ENTPD6: variants seen among roughly 807,000 people sequenced by gnomAD.
ENTPD6 encodes ectonucleoside triphosphate diphosphohydrolase 6.
Under a neutral mutation model 61.5 loss-of-function variants are expected in ENTPD6, and 46 were observed. That is an observed-to-expected ratio of 0.75 (90% confidence interval 0.59 to 0.96). The LOEUF is 0.96. ENTPD6 is among the 40% of genes least tolerant of loss of function. ENTPD6 has a pLI of 0.00. For synonymous variants in ENTPD6, 252 were observed against 255.5 expected (o/e 0.99, Z 0.13); for missense variants, 612 against 629.0 (o/e 0.97, Z 0.29).
chr20:25,221,402 T>C (rs758027164), intron 11 of ENTPD6, 69 bp downstream of exon 11: 3 of 1,175,870 alleles, frequency 2.6e-6, no homozygotes, highest in Non-Finnish European at 3.8e-6. Flanking sequence ...CCCTTGCCTT[T>C]CCCACATCCC....
At chr20:25,223,033 T>A in intron 12 of ENTPD6, 55 bp downstream of exon 12, 1 of 632,700 alleles carries the variant, frequency 1.6e-6, no homozygotes, top group Non-Finnish European at 2.6e-6. Flanking sequence ...GGGGCGGGGG[T>A]GGAGGGCGTG....
chr20:25,207,442 G>A, intron 3 of ENTPD6, 45 bp downstream of exon 3: 1 of 1,488,440 alleles, frequency 6.7e-7, no homozygotes, highest in South Asian at 1.3e-5. Flanking sequence ...CCTCCCCTGT[G>A]CTACAGTGTT....
At chr20:25,223,112 A>G in intron 12 of ENTPD6, 134 bp downstream of exon 12, 1 of 1,015,524 alleles carries the variant, frequency 9.8e-7, no homozygotes. Context: ...GGAGGCCAGA[A>G]GCAGATTTGA....
chr20:25,224,012 G>A, intron 12 of ENTPD6, 89 bp from the exon 13 acceptor site: 1 of 1,262,728 alleles, frequency 7.9e-7, no homozygotes, highest in Non-Finnish European at 1.1e-6. Context: ...TGGGGCTCTT[G>A]GGCTGGCGTT....
At chr20:25,207,032 A>C in intron 2 of ENTPD6, 44 bp from the exon 3 acceptor site, 1 of 1,543,798 alleles carries the variant, frequency 6.5e-7, no homozygotes, top group Non-Finnish European at 8.8e-7. Context: ...CTTGGATCCT[A>C]GCACCCTAAC....
intron 3 of ENTPD6, among the ~76,000 whole-genome samples, chr20:25,209,414 A>G (rs2091791132): frequency 6.6e-6 from 1 of 151,860 alleles, no homozygotes; most frequent in African/African-American, 2.4e-5. Flanking sequence ...CTGGCCGTAA[A>G]GTTGGATTCT....
intron 7 of ENTPD6, among the ~76,000 whole-genome samples, chr20:25,215,971 C>T (rs1246948579): frequency 2.0e-5 from 3 of 152,200 alleles, no homozygotes; most frequent in Non-Finnish European, 4.4e-5. Flanking sequence ...CTGTCCCCTG[C>T]AGAACATCCA....
At chr20:25,209,299 A>G (rs2091776562) in intron 3 of ENTPD6, among the ~76,000 whole-genome samples, 1 of 151,602 alleles carries the variant, frequency 6.6e-6, no homozygotes, top group Non-Finnish European at 1.5e-5. Context: ...TTTAGTAGAG[A>G]TGGGGTTTCA....
At chr20:25,209,443 G>A (rs912937219) in intron 3 of ENTPD6, among the ~76,000 whole-genome samples, 11 of 151,874 alleles carry the variant, frequency 7.2e-5, no homozygotes, top group African/African-American at 2.7e-4. Context: ...AAAATGCAGG[G>A]CACATAGCTT....
chr20:25,208,967 A>G (rs1417488614), intron 3 of ENTPD6, among the ~76,000 whole-genome samples: 2 of 151,906 alleles, frequency 1.3e-5, no homozygotes. Flanking sequence ...CCCAGGCTGG[A>G]GTACAGTGGT....
At chr20:25,205,360 G>A (rs1270717980) in intron 1 of ENTPD6, among the ~76,000 whole-genome samples, 1 of 152,236 alleles carries the variant, frequency 6.6e-6, no homozygotes, top group Non-Finnish European at 1.5e-5. Flanking sequence ...CACGGTGCCA[G>A]TGTGGTGGGA....
chr20:25,203,815 A>AT (rs2091242764), intron 1 of ENTPD6, among the ~76,000 whole-genome samples: 1 of 151,808 alleles, frequency 6.6e-6, no homozygotes, highest in African/African-American at 2.4e-5. Flanking sequence ...ATGCCGTGTG[A>AT]TTTTTTTGCT....
chr20:25,202,094 TAAG>T (rs760718285), intron 1 of ENTPD6, among the ~76,000 whole-genome samples: 10 of 152,326 alleles, frequency 6.6e-5, no homozygotes, highest in Admixed American at 3.9e-4. Flanking sequence ...GTTATTATAA[TAAG>T]AAATCATAAG....
In ENTPD6 at chr20:25,213,293, G is replaced by A. The variant is rs138887074; in HGVS notation, c.484G>A (p.Val162Ile). The change falls in exon 5 of 15, where the codon GTT becomes ATT. Residue 162 changes from valine (V) to isoleucine (I), a missense_variant. Physicochemically the swap from Val to Ile is conservative, Grantham distance 29. Transcript: ENST00000376652. ...SAQGIRELLD[V>I]AKQDIPFDFW... ...TCAGGGAATCCGGGAACTACTGGAT[G>A]TTGCTAAACAGGACATTCCGTTCGA... The A allele has an allele frequency of 2.5e-6, 4 of 1,614,148 alleles. No individual in the cohort carries two copies. The African/African-American group carries it at 5.3e-5, about 22-fold the overall frequency.
Position 25,225,581 on chromosome 20 carries a change from A to ATTCT in ENTPD6, c.1439_1440insTTCT (p.Lys480AsnfsTer174), listed in dbSNP as rs757527224. On this transcript the variant is annotated frameshift_variant, in exon 15 of 15. Transcript: ENST00000376652. LOFTEE classifies it high-confidence loss of function. ...TACATCGACTCCCTGAACAGACAGA[A>ATTCT]GAGTCCAGCCTCATAGTGGCCGAGC... is the stretch of plus-strand genomic sequence containing the variant. The ATTCT allele has an allele frequency of 6.2e-7, 1 of 1,614,022 alleles. No individual in the cohort carries two copies. Among genetic ancestry groups the ATTCT allele is most frequent in the South Asian group, 1.1e-5 (1 of 91,070 alleles).
At chr20:25,213,063 G>A (rs1403472736) in intron 4 of ENTPD6, among the ~76,000 whole-genome samples, 200 bp from the exon 5 acceptor site, 1 of 152,186 alleles carries the variant, frequency 6.6e-6, no homozygotes, top group Non-Finnish European at 1.5e-5. Flanking sequence ...AGCTACTTGG[G>A]AGGCTGAGGA....
chr20:25,199,908 T>G (rs1334502580), intron 1 of ENTPD6, among the ~76,000 whole-genome samples: 1 of 152,268 alleles, frequency 6.6e-6, no homozygotes, highest in Non-Finnish European at 1.5e-5. Flanking sequence ...TTTGGATTAT[T>G]TCTCTCCTGT....
At position 25,195,830 on chromosome 20, in the gene ENTPD6, A is replaced by G. The variant is rs1351120139; in HGVS notation, c.-53A>G. 1.6e-6 allele frequency: 2 copies of G among 1,239,942 alleles called. No individual in the cohort carries two copies. Among genetic ancestry groups the G allele is most frequent in the African/African-American group, 1.6e-5 (1 of 64,334 alleles). 76.8% of individuals were successfully genotyped at this position (1,239,942 alleles called of 1,614,324 possible). ...TGCCGCCTGCTCCCCGGAAAAGGGC[A>G]CTCGTCTCCGTGGGTGTGGCGGAGC... On this transcript the variant is annotated 5_prime_UTR_variant, in exon 1 of 15. Coordinates refer to ENST00000376652, the MANE Select transcript of ENTPD6 (RefSeq NM_001247.5).
At chr20:25,223,968 C>G (rs2092719228) in intron 12 of ENTPD6, 133 bp from the exon 13 acceptor site, 2 of 748,712 alleles carry the variant, frequency 2.7e-6, no homozygotes, top group South Asian at 3.6e-5. Flanking sequence ...CCGCCTACAG[C>G]TGGAGGGCCT....
Sources: allele counts gnomAD v4.1 joint callset (sites outside exome capture counted in the v4.1 genomes callset), GRCh38; gene constraint gnomAD v4.1.1; transcripts MANE v1.5; gene names NCBI Gene and HGNC (gene_info 2026-07-23, HGNC 2026-07-21).